Variants in DAB2IP observed in about 807,000 individuals in gnomAD.
DAB2IP encodes disabled homolog 2-interacting protein.
Under a neutral mutation model 107.2 loss-of-function variants are expected in DAB2IP, and 28 were observed. The ratio of observed to expected loss-of-function variants is 0.26; its 90% confidence interval spans 0.19 to 0.36. The LOEUF (loss-of-function observed/expected upper bound fraction) is 0.36, where lower values mean the gene tolerates loss of function less well. DAB2IP is among the 10% of genes least tolerant of loss of function. The pLI is 1.00. For missense variants in DAB2IP, 1,400 were observed against 1,644.7 expected (o/e 0.85, Z 2.57); for synonymous variants, 755 against 706.4 (o/e 1.07, Z -1.09).
chr9:121,734,857 G>A lies in DAB2IP; in HGVS notation c.363-22156G>A, dbSNP rs142768975. On this transcript the variant is annotated intron_variant, in intron 3 of 15. Transcript: ENST00000408936. ...TTCCAGACTTGATTTCATCTATAAA[G>A]TGGTCACAGTATCTGCCTTGCCTGT... Among the ~76,000 whole-genome samples, 809 of 152,334 alleles carry A rather than the reference G, an allele frequency of 5.3e-3. 7 individuals carry two copies. Among genetic ancestry groups the A allele is most frequent in the African/African-American group, 0.019 (771 of 41,570 alleles).
chr9:121,743,693 C>T (rs1001332383), intron 3 of DAB2IP, among the ~76,000 whole-genome samples: 1 of 152,220 alleles, frequency 6.6e-6, no homozygotes, highest in Non-Finnish European at 1.5e-5. Context: ...CTTCCCGAGC[C>T]TGGTGGCTAT....
intron 3 of DAB2IP, among the ~76,000 whole-genome samples, chr9:121,749,843 A>G (rs1832980520): frequency 6.6e-6 from 1 of 152,218 alleles, no homozygotes; most frequent in African/African-American, 2.4e-5. Flanking sequence ...GGACAGGAAC[A>G]GGAAACAGCC....
Position 121,731,286 on chromosome 9 carries a change from G to A in DAB2IP, c.363-25727G>A, listed in dbSNP as rs114008122. ...TGGCCTTGGACTGGTTGTTTAACCC[G>A]GTGCACCTGTTTTCACATCTGTAAA... On this transcript the variant is annotated intron_variant, in intron 3 of 15. Coordinates refer to ENST00000408936, the Ensembl canonical transcript of DAB2IP. 6.7e-3 allele frequency among the ~76,000 whole-genome samples: 1,024 copies of A among 152,204 alleles called. 11 individuals are homozygous for A. The highest frequency in any genetic ancestry group is 0.021 in the African/African-American group (871 of 41,538).
chr9:121,634,458 G>T lies in DAB2IP; in HGVS notation c.41-44220G>T, dbSNP rs2797350. Among the ~76,000 whole-genome samples the T allele has an allele frequency of 0.017, 2,549 of 152,294 alleles. 91 individuals carry two copies. The highest frequency in any genetic ancestry group is 0.058 in the African/African-American group (2,399 of 41,544). ...ATGGCCACCCTTAGTGTACACAGGA[G>T]CCCCACCCTGAGCCACTGTGGCCCC... On this transcript the variant is annotated intron_variant, in intron 1 of 16. Transcript: ENST00000259371. The surrounding 1 kb of genome is among the most constrained non-coding windows in gnomAD (Gnocchi z 4.7).
At chr9:121,581,344 C>T (rs184765132) in intron 1 of DAB2IP, among the ~76,000 whole-genome samples, 36 of 152,344 alleles carry the variant, frequency 2.4e-4, no homozygotes, top group Non-Finnish European at 4.6e-4. Context: ...CCCCAATGTC[C>T]TTGGCAGCCC....
chr9:121,783,603 C>T (rs772429865), exon 16 of DAB2IP: 83 of 1,599,088 alleles, frequency 5.2e-5, no homozygotes, highest in Middle Eastern at 3.6e-4. Flanking sequence ...GTTGAGCGTG[C>T]GCACTGCATG....
In DAB2IP at chr9:121,772,520, C is replaced by T. The variant is rs75753424; in HGVS notation, c.2079-87C>T. ...AGGCTGCCAGGCCCCGGCAGGTTGG[C>T]GGGTGCTGTCGGTTTGGACCCGCCT... is the stretch of plus-strand genomic sequence containing the variant. On this transcript the variant is annotated intron_variant, in intron 11 of 15. Coordinates refer to ENST00000408936, the Ensembl canonical transcript of DAB2IP. The surrounding 1 kb of genome is among the most constrained non-coding windows in gnomAD (Gnocchi z 4.7). 266 of 1,446,842 alleles carry T rather than the reference C, an allele frequency of 1.8e-4. 1 individual carries two copies. In the East Asian group the frequency reaches 3.8e-3, roughly 20 times the overall value. The allele number at this position is 1,446,842 out of a possible 1,614,324, so 89.6% of individuals were successfully genotyped here.
rs943854626 is a variant in DAB2IP at position 121,699,089 on chromosome 9, G to T, written c.229-236G>T. On this transcript the variant is annotated intron_variant, in intron 2 of 15. Coordinates refer to ENST00000408936, the Ensembl canonical transcript of DAB2IP. The surrounding 1 kb of genome is among the most constrained non-coding windows in gnomAD (Gnocchi z 6.2). ...CGTCGCCAAGGCAACAGCGGCTTAGGGGGCGGGGGCGACGTGGCGGGCGGG... is the reference window on the plus strand; with the variant it reads ...CGTCGCCAAGGCAACAGCGGCTTAGTGGGCGGGGGCGACGTGGCGGGCGGG... 6.8e-6 allele frequency among the ~76,000 whole-genome samples: 1 copy of T among 147,680 alleles called. No homozygotes were observed. The highest frequency in any genetic ancestry group is 1.5e-5 in the Non-Finnish European group (1 of 66,420).
intron 1 of DAB2IP, among the ~76,000 whole-genome samples, chr9:121,652,371 G>C (rs1345398593): frequency 1.3e-5 from 2 of 152,270 alleles, no homozygotes; most frequent in East Asian, 3.9e-4. Flanking sequence ...CCCCTCGAGC[G>C]GGTGGGCGCC....
chr9:121,762,965 C>T (rs980269939), intron 6 of DAB2IP, among the ~76,000 whole-genome samples: 1 of 152,218 alleles, frequency 6.6e-6, no homozygotes, highest in Non-Finnish European at 1.5e-5. Context: ...TCACTTCCTG[C>T]TCTCACCTGC....
At chr9:121,774,028 C>T (rs1834986436) in intron 12 of DAB2IP, among the ~76,000 whole-genome samples, 2 of 152,336 alleles carry the variant, frequency 1.3e-5, no homozygotes, top group Middle Eastern at 3.4e-3. Flanking sequence ...CTCTTGGCAG[C>T]AGAGTGTGGT....
intron 3 of DAB2IP, among the ~76,000 whole-genome samples, chr9:121,754,877 A>ACCAGCTCC (rs1470189238): frequency 6.6e-6 from 1 of 152,076 alleles, no homozygotes; most frequent in Non-Finnish European, 1.5e-5. Context: ...GCCTCAGCTC[A>ACCAGCTCC]CCAGCTCCCC....
chr9:121,588,072 C>T (rs1409577150), intron 1 of DAB2IP, among the ~76,000 whole-genome samples: 1 of 152,162 alleles, frequency 6.6e-6, no homozygotes, highest in East Asian at 1.9e-4. Context: ...AACTCCTTAC[C>T]ACTGCTGTGG....
At chr9:121,723,010 C>G (rs1831027060) in intron 3 of DAB2IP, among the ~76,000 whole-genome samples, 1 of 152,192 alleles carries the variant, frequency 6.6e-6, no homozygotes, top group African/African-American at 2.4e-5. Flanking sequence ...CGTCCCTGTG[C>G]CTGGAACAGG....
chr9:121,763,670 A>G (rs753167332), intron 7 of DAB2IP, 21 bp downstream of exon 7: 18 of 1,612,218 alleles, frequency 1.1e-5, no homozygotes, highest in Non-Finnish European at 1.5e-5. Flanking sequence ...GGCCAGCAGC[A>G]GGGCAGAGGG....
At chr9:121,755,072 C>A (rs2118948439) in intron 3 of DAB2IP, among the ~76,000 whole-genome samples, 1 of 152,222 alleles carries the variant, frequency 6.6e-6, no homozygotes, top group South Asian at 2.1e-4. Flanking sequence ...TGGAGTCCAC[C>A]CTGGGAGGTG....
At chr9:121,574,474 G>A (rs1288930371) in intron 1 of DAB2IP, among the ~76,000 whole-genome samples, 1 of 152,120 alleles carries the variant, frequency 6.6e-6, no homozygotes, top group Non-Finnish European at 1.5e-5. Context: ...CATACCTGGA[G>A]CCCTTCTATA....
At chr9:121,602,047 C>A (rs1612348) in intron 1 of DAB2IP, among the ~76,000 whole-genome samples, 39,297 of 151,896 alleles carry the variant, frequency 0.26, 5,656 homozygotes, top group Non-Finnish European at 0.32. Flanking sequence ...CACTCCCACT[C>A]CCCCCCAACC....
rs79611673 is a variant in DAB2IP at position 121,775,317 on chromosome 9, G to A, written c.3121-881G>A. Among the ~76,000 whole-genome samples, 222 of 152,228 alleles carry A rather than the reference G, an allele frequency of 1.5e-3. 3 individuals carry two copies. In the East Asian group the frequency reaches 0.038, roughly 26 times the overall value. Reference sequence around the variant, plus strand: ...TTCTCCCCGGCCTCAGGCGAGGCCCGTCTCCATGCTGCATCCTGCCACCGC... The same window carrying A: ...TTCTCCCCGGCCTCAGGCGAGGCCCATCTCCATGCTGCATCCTGCCACCGC... On this transcript the variant is annotated intron_variant, in intron 13 of 15. Coordinates refer to ENST00000408936, the Ensembl canonical transcript of DAB2IP.
Sources: gnomAD v4.1 joint callset for allele counts (sites outside exome capture counted in the v4.1 genomes callset) on GRCh38, gnomAD v4.1.1 for gene constraint, Gnocchi (gnomAD v3.1) non-coding constraint, MANE v1.5 for transcripts, NCBI Gene and HGNC (gene_info 2026-07-23, HGNC 2026-07-21) for gene names.